The following SDK2 variants were observed in gnomAD, a reference collection of about 807,000 sequenced individuals.
The protein encoded by SDK2 is protein sidekick-2.
Under a neutral mutation model 253.9 loss-of-function variants are expected in SDK2, and 105 were observed. The ratio of observed to expected loss-of-function variants is 0.41; its 90% CI spans 0.35 to 0.49. The LOEUF (loss-of-function observed/expected upper bound fraction) is 0.49, where lower values mean the gene tolerates loss of function less well. Among genes scored for constraint, SDK2 ranks in the 20% least tolerant of loss-of-function variants. The pLI, the probability that SDK2 is intolerant of heterozygous loss-of-function variation, is 0.06. For synonymous variants in SDK2, 1,249 were observed against 1,234.9 expected, an observed-to-expected ratio of 1.01 and a Z score of -0.24; for missense variants, 2,608 against 3,003.0, an observed-to-expected ratio of 0.87 and a Z score of 3.07.
In SDK2 at chr17:73,639,369, C is replaced by A. The variant is rs1021411844; in HGVS notation, c.64+4656G>T. Among the ~76,000 whole-genome samples the A allele has an allele frequency of 2.6e-4, 40 of 152,308 alleles. No homozygotes were observed. Among genetic ancestry groups the A allele is most frequent in the African/African-American group, 9.6e-4 (40 of 41,578 alleles). The stretch of plus-strand genomic sequence containing the variant: ...CCCTTCCCCCGGGGATGCTGAGCAT[C>A]CCTGCTCAACGCTGCTCACTGGCTC... On this transcript the variant is annotated intron_variant, in intron 1 of 44. Coordinates refer to ENST00000392650, the MANE Select transcript of SDK2 (RefSeq NM_001144952.2). This position sits in a 1 kb window ranked among gnomAD's most constrained non-coding sequence, Gnocchi z 4.3.
rs761305278 is a variant in SDK2, at chr17:73,393,601, C to A, written c.3857G>T (p.Ser1286Ile). The A allele has an allele frequency of 2.5e-6, 4 of 1,580,018 alleles. No individual in the cohort carries two copies. Among genetic ancestry groups the A allele is most frequent in the Middle Eastern group, 3.4e-4 (2 of 5,970 alleles). The change falls in exon 27 of 45, where the codon AGC becomes ATC. Residue 1286 changes from serine (S) to isoleucine (I), a missense_variant. This residue lies in a region of SDK2 where 1,505 missense variants were observed against 1,859.1 expected (regional missense o/e 0.81). Transcript: ENST00000392650. ...VLAFTRIGDG[S>I]PSHPPILERT... ...CTCCAGGATGGGAGGGTGGCTGGGG[C>A]TGCCGTCCCCGATGCGTGTGAAGGC...
intron 1 of SDK2, among the ~76,000 whole-genome samples, chr17:73,540,488 G>A (rs2044851163): frequency 6.6e-6 from 1 of 152,142 alleles, no homozygotes; most frequent in Non-Finnish European, 1.5e-5. Context: ...CATCACCGCT[G>A]TGATTCTCCT....
At chr17:73,487,004 G>T (rs1434535649) in intron 2 of SDK2, among the ~76,000 whole-genome samples, 2 of 152,162 alleles carry the variant, frequency 1.3e-5, no homozygotes, top group Admixed American at 1.3e-4. Flanking sequence ...CGCAATCTCG[G>T]CTCACTGCAA....
chr17:73,351,439 A>G (rs966924042), intron 41 of SDK2, among the ~76,000 whole-genome samples: 2 of 152,030 alleles, frequency 1.3e-5, no homozygotes, highest in African/African-American at 4.8e-5. Flanking sequence ...GTACTTGTCT[A>G]GGAGCTATCT....
At chr17:73,568,464 A>G (rs2045337690) in intron 1 of SDK2, among the ~76,000 whole-genome samples, 2 of 152,218 alleles carry the variant, frequency 1.3e-5, no homozygotes, top group Non-Finnish European at 2.9e-5. Flanking sequence ...TACAAGCTGA[A>G]TACAAGATCT....
intron 2 of SDK2, among the ~76,000 whole-genome samples, chr17:73,495,619 CGTGTGTGT>C (rs60091992): frequency 6.7e-6 from 1 of 148,436 alleles, no homozygotes; most frequent in African/African-American, 2.5e-5. Context: ...AGGCCTGCCC[CGTGTGTGT>C]GTGTGTGTGT....
intron 40 of SDK2, among the ~76,000 whole-genome samples, chr17:73,355,174 A>ATATATATATATTT: frequency 2.1e-5 from 1 of 47,224 alleles, no homozygotes; most frequent in Non-Finnish European, 3.4e-5. Flanking sequence ...ATATATATAT[A>ATATATATATATTT]TTTTTTTTTT....
At chr17:73,550,381 G>C (rs1226027302) in intron 1 of SDK2, among the ~76,000 whole-genome samples, 4 of 152,196 alleles carry the variant, frequency 2.6e-5, no homozygotes, top group African/African-American at 9.7e-5. Flanking sequence ...TGGGAAAATA[G>C]CTCAATTACT....
Position 73,379,581 on chromosome 17 carries a change from C to T in SDK2, c.4763-32G>A. 7.4e-7 allele frequency: 1 copy of T among 1,359,232 alleles called. No individual in the cohort carries two copies. The highest frequency in any genetic ancestry group is 1.2e-5 in the South Asian group (1 of 80,796). The allele number at this position is 1,359,232 out of a possible 1,614,324, so 84.2% of individuals were successfully genotyped here. ...GGGAGAGTGGGGGAGGGGAAGCACA[C>T]TGAGGTCACCGTCATTGCTGGGAAG... On this transcript the variant is annotated intron_variant, in intron 34 of 44. Coordinates refer to ENST00000392650, the MANE Select transcript of SDK2 (RefSeq NM_001144952.2). The surrounding 1 kb of genome is among the most constrained non-coding windows in gnomAD (Gnocchi z 4.5).
chr17:73,415,350 C>CTT (rs35201251), intron 17 of SDK2, among the ~76,000 whole-genome samples: 9,316 of 122,026 alleles, frequency 0.076, 1,050 homozygotes, highest in African/African-American at 0.22. Flanking sequence ...TTTCATTTCA[C>CTT]TTTTTTTTTT....
chr17:73,457,401 A>G (rs2063536606), intron 3 of SDK2, among the ~76,000 whole-genome samples: 1 of 149,446 alleles, frequency 6.7e-6, no homozygotes, highest in South Asian at 2.1e-4. Context: ...CAATCAGCCA[A>G]GTGCAGTGGT....
At chr17:73,556,048 T>A (rs1270014160) in intron 1 of SDK2, among the ~76,000 whole-genome samples, 1 of 151,982 alleles carries the variant, frequency 6.6e-6, no homozygotes, top group Non-Finnish European at 1.5e-5. Context: ...GGGGGCACTG[T>A]CCATGGGGCT....
chr17:73,522,148 C>CTG (rs148266445), intron 1 of SDK2, among the ~76,000 whole-genome samples: 27,415 of 152,236 alleles, frequency 0.18, 2,842 homozygotes, highest in Admixed American at 0.25. Flanking sequence ...AGGCCGGTGT[C>CTG]ATCAAAGACC....
chr17:73,469,536 C>T (rs191923084), intron 3 of SDK2, among the ~76,000 whole-genome samples: 2 of 152,236 alleles, frequency 1.3e-5, no homozygotes, highest in Admixed American at 6.5e-5. Flanking sequence ...AGGACCTTTG[C>T]CCATGATCAG....
At chr17:73,600,782 T>A (rs73353327) in intron 1 of SDK2, among the ~76,000 whole-genome samples, 1,594 of 152,216 alleles carry the variant, frequency 0.01, 16 homozygotes, top group African/African-American at 0.036. Context: ...CCATCCTATC[T>A]CCACTCCCCA....
intron 1 of SDK2, among the ~76,000 whole-genome samples, chr17:73,515,456 G>T (rs1465479908): frequency 1.3e-5 from 2 of 152,224 alleles, no homozygotes; most frequent in African/African-American, 4.8e-5. Flanking sequence ...AGGCGGCCCA[G>T]CTGGGAATGA....
chr17:73,606,252 G>A (rs1013314107), intron 1 of SDK2, among the ~76,000 whole-genome samples: 26 of 152,196 alleles, frequency 1.7e-4, no homozygotes, highest in East Asian at 3.9e-4. Flanking sequence ...AAGCTGGTGA[G>A]AGGCAGCTCC....
intron 1 of SDK2, among the ~76,000 whole-genome samples, chr17:73,598,832 C>G (rs770913737): frequency 1.3e-5 from 2 of 152,212 alleles, no homozygotes; most frequent in Admixed American, 1.3e-4. Context: ...CCTGTGAGCT[C>G]GAAGGCCTCG....
chr17:73,346,963 A>C (rs564270525), intron 44 of SDK2, among the ~76,000 whole-genome samples: 12 of 152,292 alleles, frequency 7.9e-5, no homozygotes, highest in African/African-American at 2.4e-4. Flanking sequence ...CCCCCACTTG[A>C]AGGTCGCAAT....
Sources: allele counts gnomAD v4.1 joint callset (sites outside exome capture counted in the v4.1 genomes callset), GRCh38; gene constraint gnomAD v4.1.1; regional missense constraint gnomAD v4.1.1; non-coding constraint Gnocchi (gnomAD v3.1); transcripts MANE v1.5; gene names NCBI Gene and HGNC (gene_info 2026-07-23, HGNC 2026-07-21).